Variants in GOSR1 observed in about 807,000 individuals in gnomAD.
GOSR1 encodes the protein 28 kDa Golgi SNARE protein.
Under a neutral mutation model 35.5 loss-of-function variants are expected in GOSR1, and 21 were observed. The observed-to-expected ratio is 0.59, with a 90% CI of 0.42 to 0.85. The LOEUF is 0.85. Ranked by LOEUF, GOSR1 falls within the 40% of genes least tolerant of loss-of-function variation. The probability of loss-of-function intolerance (pLI) is 0.00; values close to 1 mark genes in which losing one functional copy is unlikely to be tolerated. For synonymous variants in GOSR1, 94 were observed against 106.6 expected, an observed-to-expected ratio of 0.88 and a Z score of 0.73; for missense variants, 285 against 309.6, an observed-to-expected ratio of 0.92 and a Z score of 0.60.
chr17:30,502,554 T>C (rs1324215594), intron 6 of GOSR1, among the ~76,000 whole-genome samples: 2 of 152,254 alleles, frequency 1.3e-5, no homozygotes, highest in Non-Finnish European at 2.9e-5. Flanking sequence ...CAGCTTTTAT[T>C]TTTTTATTTT....
intron 8 of GOSR1, 132 bp from the exon 9 acceptor site, chr17:30,522,122 C>G: frequency 2.8e-6 from 2 of 710,930 alleles, no homozygotes; most frequent in Middle Eastern, 6.0e-4. Flanking sequence ...TAAAGATTCC[C>G]TTGGTGTGAG....
chr17:30,502,424 G>A (rs142280462), intron 6 of GOSR1, among the ~76,000 whole-genome samples: 177 of 152,294 alleles, frequency 1.2e-3, no homozygotes, highest in African/African-American at 4.1e-3. Context: ...GGAGGAGAAC[G>A]GGTGTATAGT....
intron 1 of GOSR1, chr17:30,478,010 A>C: frequency 1.3e-6 from 1 of 793,310 alleles, no homozygotes; most frequent in Non-Finnish European, 1.5e-6. Flanking sequence ...GACTTCCAGG[A>C]CTGGGTGTTT....
chr17:30,489,774 A>C (rs1914918876), intron 4 of GOSR1, among the ~76,000 whole-genome samples: 1 of 152,218 alleles, frequency 6.6e-6, no homozygotes, highest in Non-Finnish European at 1.5e-5. Context: ...AGCTCTATTA[A>C]GTATACTACT....
At chr17:30,503,955 A>G (rs141368674) in intron 6 of GOSR1, among the ~76,000 whole-genome samples, 1 of 152,306 alleles carries the variant, frequency 6.6e-6, no homozygotes, top group African/African-American at 2.4e-5. Context: ...AAAGGAAGAA[A>G]AACCCCTTCT....
chr17:30,493,658 T>C (rs1201083215), intron 6 of GOSR1, among the ~76,000 whole-genome samples: 4 of 152,212 alleles, frequency 2.6e-5, no homozygotes, highest in African/African-American at 9.6e-5. Context: ...TTCATAGTGC[T>C]CATTTTAGAA....
In GOSR1 at chr17:30,490,135, C is replaced by G. The variant is rs1473695458; in HGVS notation, c.352C>G (p.His118Asp). 4 of 1,469,192 alleles carry G rather than the reference C, an allele frequency of 2.7e-6. No individual in the cohort carries two copies. The highest frequency in any genetic ancestry group is 3.8e-6 in the Non-Finnish European group (4 of 1,048,968). The allele number at this position is 1,469,192 out of a possible 1,614,324, so 91.0% of individuals were successfully genotyped here. ...RHRDILQDYT[H>D]EFHKTKANFM... The stretch of plus-strand genomic sequence containing the variant: ...TGTTGATTTATTACAGGATTATACA[C>G]ATGAATTCCATAAAACCAAAGCAAA... Residue 118 changes from histidine (H) to aspartate (D), a missense_variant, in exon 5 of 9, where the codon CAT becomes GAT. Physicochemically the swap from His to Asp is moderately conservative, Grantham distance 81 (BLOSUM62 -1). Coordinates refer to ENST00000451249, the MANE Select transcript of GOSR1 (RefSeq NM_001007025.2).
At chr17:30,483,875 GAGA>G (rs1914508588) in intron 2 of GOSR1, among the ~76,000 whole-genome samples, 1 of 152,236 alleles carries the variant, frequency 6.6e-6, no homozygotes, top group South Asian at 2.1e-4. Context: ...AGTGAAAATG[GAGA>G]AGATTAGTAC....
chr17:30,522,930 C>G lies in GOSR1; in HGVS notation c.*552C>G, dbSNP rs1021446629. ...CAACCTCCCTGCCTGATTCTCCTGCCTCAGCCTGCCGAGTGCCTGCAATTG... is the reference window on the plus strand; with the variant it reads ...CAACCTCCCTGCCTGATTCTCCTGCGTCAGCCTGCCGAGTGCCTGCAATTG... On this transcript the variant is annotated 3_prime_UTR_variant, in exon 9 of 9. Coordinates refer to ENST00000451249, the MANE Select transcript of GOSR1 (RefSeq NM_001007025.2). 1.0e-5 allele frequency: 2 copies of G among 190,550 alleles called. No homozygotes were observed. Among genetic ancestry groups the G allele is most frequent in the African/African-American group, 4.8e-5 (2 of 41,836 alleles). 11.8% of individuals were successfully genotyped at this position (190,550 alleles called of 1,614,324 possible).
At position 30,484,280 on chromosome 17, in the gene GOSR1, G is replaced by T; in HGVS notation, c.213G>T (p.Glu71Asp). 1.9e-6 allele frequency: 3 copies of T among 1,609,706 alleles called. No homozygotes were observed. The highest frequency in any genetic ancestry group is 1.7e-6 in the Non-Finnish European group (2 of 1,176,056). Reference sequence around the variant, plus strand: ...GAATGTTTGAGACAATGGCGATTGAGATTGAACAACTTTTGGCAAGGGTAA... The same window carrying T: ...GAATGTTTGAGACAATGGCGATTGATATTGAACAACTTTTGGCAAGGGTAA... ...QDRMFETMAI[E>D]IEQLLARLTG... is the part of the protein sequence containing the mutation. Residue 71 changes from glutamate to aspartate, a missense_variant, in exon 3 of 9, where the codon GAG (glutamate) becomes GAT (aspartate). Coordinates refer to ENST00000451249, the MANE Select transcript of GOSR1 (RefSeq NM_001007025.2).
At chr17:30,516,305 C>G (rs1241957260) in intron 7 of GOSR1, among the ~76,000 whole-genome samples, 4 of 151,928 alleles carry the variant, frequency 2.6e-5, no homozygotes, top group African/African-American at 9.7e-5. Context: ...CCCGTCTCTA[C>G]TAAAAATACA....
chr17:30,516,882 T>A (rs973740325), intron 7 of GOSR1, among the ~76,000 whole-genome samples: 1 of 152,062 alleles, frequency 6.6e-6, no homozygotes, highest in Non-Finnish European at 1.5e-5. Context: ...CCTGGCTAAT[T>A]TTTGTATTTT....
chr17:30,508,208 T>A (rs1331309932), intron 6 of GOSR1, among the ~76,000 whole-genome samples: 1 of 152,104 alleles, frequency 6.6e-6, no homozygotes, highest in Admixed American at 6.6e-5. Context: ...TTAACAAAAT[T>A]AGTAAATTAA....
At chr17:30,505,591 G>C (rs1967371469) in intron 6 of GOSR1, among the ~76,000 whole-genome samples, 1 of 152,158 alleles carries the variant, frequency 6.6e-6, no homozygotes, top group Non-Finnish European at 1.5e-5. Context: ...TTACATTTCG[G>C]TAACAGTATT....
chr17:30,488,530 A>C (rs899384293), intron 4 of GOSR1, among the ~76,000 whole-genome samples: 6 of 149,730 alleles, frequency 4.0e-5, no homozygotes, highest in African/African-American at 9.8e-5. Flanking sequence ...GTTTATTGGC[A>C]GTATTTTTTT....
chr17:30,481,534 A>G (rs1431839147), intron 2 of GOSR1, among the ~76,000 whole-genome samples: 2 of 152,196 alleles, frequency 1.3e-5, no homozygotes, highest in Non-Finnish European at 1.5e-5. Context: ...ATAAGTGTCT[A>G]ATTCAGCCAG....
intron 7 of GOSR1, among the ~76,000 whole-genome samples, chr17:30,518,634 G>C (rs1210798362): frequency 6.6e-6 from 1 of 152,116 alleles, no homozygotes; most frequent in East Asian, 1.9e-4. Context: ...ATAGCAAAAT[G>C]ATACTAACTT....
At chr17:30,507,688 A>T (rs893220531) in intron 6 of GOSR1, among the ~76,000 whole-genome samples, 1 of 149,080 alleles carries the variant, frequency 6.7e-6, no homozygotes, top group South Asian at 2.1e-4. Flanking sequence ...GTGCCATTGC[A>T]CTCCAGCCAG....
intron 6 of GOSR1, among the ~76,000 whole-genome samples, chr17:30,493,926 T>C (rs1048062443): frequency 2.6e-5 from 4 of 152,318 alleles, no homozygotes; most frequent in African/African-American, 9.6e-5. Flanking sequence ...GTATCCGTCA[T>C]GATTTCCTCA....
Sources: gnomAD v4.1 joint callset for allele counts (sites outside exome capture counted in the v4.1 genomes callset) on GRCh38, gnomAD v4.1.1 for gene constraint, MANE v1.5 for transcripts, NCBI Gene and HGNC (gene_info 2026-07-23, HGNC 2026-07-21) for gene names.